Variants in NRXN3 observed in about 807,000 individuals in gnomAD.
The protein encoded by NRXN3 is neurexin III.
In NRXN3, 32 loss-of-function variants were observed where a neutral mutation model predicts 137.6. The observed-to-expected ratio is 0.23, with a 90% confidence interval of 0.18 to 0.31. NRXN3 has a LOEUF of 0.31. NRXN3 is among the 10% of genes least tolerant of loss of function. The probability of loss-of-function intolerance (pLI) is 1.00; values close to 1 mark genes in which losing one functional copy is unlikely to be tolerated. For synonymous variants in NRXN3, 798 were observed against 784.5 expected, an observed-to-expected ratio of 1.02 and a Z score of -0.29; for missense variants, 1,574 against 2,062.5, an observed-to-expected ratio of 0.76 and a Z score of 4.59.
At chr14:79,773,220 C>A (rs1334979857) in intron 19 of NRXN3, among the ~76,000 whole-genome samples, 2 of 152,218 alleles carry the variant, frequency 1.3e-5, no homozygotes, top group South Asian at 2.1e-4. Flanking sequence ...GTCAGTGTGG[C>A]GATTCCTCAG....
At chr14:79,046,682 C>A (rs1299793717) in intron 15 of NRXN3, among the ~76,000 whole-genome samples, 1 of 152,136 alleles carries the variant, frequency 6.6e-6, no homozygotes, top group African/African-American at 2.4e-5. Flanking sequence ...CTAGCTCAAG[C>A]TACTTAACTC....
chr14:78,201,050 A>G (rs2061630469), intron 1 of NRXN3, among the ~76,000 whole-genome samples: 1 of 152,120 alleles, frequency 6.6e-6, no homozygotes, highest in Non-Finnish European at 1.5e-5. Context: ...GTTCTCAGAG[A>G]TGTCCCAAGG....
chr14:78,279,417 G>A (rs2074088577), intron 3 of NRXN3, among the ~76,000 whole-genome samples: 1 of 152,178 alleles, frequency 6.6e-6, no homozygotes, highest in African/African-American at 2.4e-5. Flanking sequence ...GACTTAGAAT[G>A]GTTTGGAGAC....
chr14:78,396,283 C>A (rs888807054), intron 4 of NRXN3, among the ~76,000 whole-genome samples: 5 of 152,058 alleles, frequency 3.3e-5, no homozygotes, highest in African/African-American at 1.2e-4. Context: ...TTTACCCTCC[C>A]CTATTTATAA....
At chr14:79,212,902 G>T (rs1025960896) in intron 15 of NRXN3, among the ~76,000 whole-genome samples, 8 of 151,804 alleles carry the variant, frequency 5.3e-5, no homozygotes, top group African/African-American at 1.9e-4. Flanking sequence ...AGGGACAAAA[G>T]TTCTGTAGAA....
At chr14:78,192,697 C>T (rs565475932) in intron 1 of NRXN3, among the ~76,000 whole-genome samples, 114 of 152,176 alleles carry the variant, frequency 7.5e-4, no homozygotes, top group African/African-American at 2.6e-3. Context: ...AGCCATCAGA[C>T]GCTTGGCACC....
At chr14:79,034,689 G>C (rs1034048545) in intron 15 of NRXN3, among the ~76,000 whole-genome samples, 2 of 152,084 alleles carry the variant, frequency 1.3e-5, no homozygotes, top group African/African-American at 4.8e-5. Flanking sequence ...GAGTAATCTA[G>C]TTTGGTTTAT....
intron 15 of NRXN3, among the ~76,000 whole-genome samples, chr14:79,300,489 G>A (rs972334667): frequency 2.0e-5 from 3 of 152,022 alleles, no homozygotes; most frequent in Non-Finnish European, 2.9e-5. Flanking sequence ...GATGATGATG[G>A]TCTAATATGG....
intron 15 of NRXN3, among the ~76,000 whole-genome samples, chr14:79,410,591 C>A (rs2153514146): frequency 6.6e-6 from 1 of 151,912 alleles, no homozygotes. Context: ...AATTCTTGCT[C>A]CACTAGTTAT....
chr14:78,361,211 G>A (rs2085063549), intron 4 of NRXN3, among the ~76,000 whole-genome samples: 1 of 152,144 alleles, frequency 6.6e-6, no homozygotes, highest in Non-Finnish European at 1.5e-5. Flanking sequence ...TCCCACCCCA[G>A]ATCAATGAAA....
At chr14:78,393,064 C>T (rs763677738) in intron 4 of NRXN3, among the ~76,000 whole-genome samples, 5 of 152,092 alleles carry the variant, frequency 3.3e-5, no homozygotes, top group Non-Finnish European at 7.4e-5. Context: ...AGATTTTTCA[C>T]TAATCTACCA....
chr14:78,576,262 A>G (rs2096934791), intron 4 of NRXN3, among the ~76,000 whole-genome samples: 1 of 152,136 alleles, frequency 6.6e-6, no homozygotes, highest in Admixed American at 6.5e-5. Context: ...TTTCTGTGGC[A>G]TTGGCTTCTG....
intron 14 of NRXN3, among the ~76,000 whole-genome samples, chr14:78,970,711 A>G (rs2099435050): frequency 6.6e-6 from 1 of 152,180 alleles, no homozygotes; most frequent in Admixed American, 6.5e-5. Context: ...GAGTTGGGGA[A>G]AATGTCCCTA....
chr14:78,971,057 T>C (rs1043850524), intron 14 of NRXN3, among the ~76,000 whole-genome samples: 1 of 152,194 alleles, frequency 6.6e-6, no homozygotes, highest in Non-Finnish European at 1.5e-5. Flanking sequence ...CAAAATGGGT[T>C]AAGGCATAAA....
chr14:79,519,937 T>C (rs2097046513), intron 16 of NRXN3, among the ~76,000 whole-genome samples: 2 of 152,214 alleles, frequency 1.3e-5, no homozygotes, highest in South Asian at 4.1e-4. Context: ...AGGTCAATTA[T>C]AGTCTTACTT....
chr14:78,341,706 G>A (rs962931932), intron 4 of NRXN3, among the ~76,000 whole-genome samples: 2 of 152,162 alleles, frequency 1.3e-5, no homozygotes, highest in Admixed American at 6.6e-5. Context: ...AGTTCAGAAA[G>A]GATTGCACTA....
At chr14:79,491,182 T>C (rs1488058721) in intron 16 of NRXN3, among the ~76,000 whole-genome samples, 6 of 152,158 alleles carry the variant, frequency 3.9e-5, no homozygotes, top group Non-Finnish European at 8.8e-5. Context: ...TTAGTGAGGT[T>C]AAGTGACTTG....
intron 15 of NRXN3, among the ~76,000 whole-genome samples, chr14:79,282,239 AG>A (rs1269729505): frequency 6.6e-6 from 1 of 152,148 alleles, no homozygotes; most frequent in African/African-American, 2.4e-5. Flanking sequence ...CAGGAAAAAA[AG>A]AGGGAGTGGG....
At chr14:78,396,900 C>T (rs531365444) in intron 4 of NRXN3, among the ~76,000 whole-genome samples, 1 of 152,170 alleles carries the variant, frequency 6.6e-6, no homozygotes, top group East Asian at 1.9e-4. Flanking sequence ...ATCAGGGTGC[C>T]GGGTGGTCAA....
Sources: allele counts gnomAD v4.1 joint callset (sites outside exome capture counted in the v4.1 genomes callset), GRCh38; gene constraint gnomAD v4.1.1; transcripts MANE v1.5; gene names NCBI Gene and HGNC (gene_info 2026-07-23, HGNC 2026-07-21).